Variants in ALK observed in about 807,000 individuals in gnomAD.
ALK encodes ALK tyrosine kinase receptor.
A neutral mutation model predicts 163.1 loss-of-function variants in ALK; 74 were observed. That is an observed-to-expected ratio of 0.45 (90% confidence interval 0.38 to 0.55). ALK has a LOEUF of 0.55. Ranked by LOEUF, ALK falls within the 20% of genes least tolerant of loss-of-function variation. The probability of loss-of-function intolerance (pLI) is 0.00; values close to 1 mark genes in which losing one functional copy is unlikely to be tolerated. For missense variants in ALK, 2,063 were observed against 2,105.3 expected (o/e 0.98, Z 0.39); for synonymous variants, 960 against 843.2 (o/e 1.14, Z -2.40).
intron 3 of ALK, among the ~76,000 whole-genome samples, chr2:29,558,420 T>A (rs1244779588): frequency 6.6e-6 from 1 of 152,176 alleles, no homozygotes; most frequent in African/African-American, 2.4e-5. Context: ...CCCAACATTA[T>A]CTTTACAGCT....
intron 26 of ALK, among the ~76,000 whole-genome samples, chr2:29,200,918 C>T (rs151121905): frequency 4.7e-5 from 7 of 149,354 alleles, no homozygotes; most frequent in African/African-American, 1.5e-4. Flanking sequence ...ACTTGCTCTG[C>T]CTGGAATGAT....
intron 3 of ALK, among the ~76,000 whole-genome samples, chr2:29,592,033 T>C (rs761572596): frequency 6.6e-6 from 1 of 152,022 alleles, no homozygotes; most frequent in Non-Finnish European, 1.5e-5. Flanking sequence ...GCTGGGGGTA[T>C]TGTCACTGGA....
chr2:29,400,045 G>A (rs997311611), intron 4 of ALK, among the ~76,000 whole-genome samples: 1 of 152,170 alleles, frequency 6.6e-6, no homozygotes, highest in African/African-American at 2.4e-5. Flanking sequence ...ATGATGACTT[G>A]GCTCCGTGTA....
At chr2:29,395,197 A>G (rs1421746390) in intron 4 of ALK, among the ~76,000 whole-genome samples, 2 of 152,244 alleles carry the variant, frequency 1.3e-5, no homozygotes, top group African/African-American at 2.4e-5. Flanking sequence ...CTCTGAGCCA[A>G]GCAAAATGCT....
chr2:29,454,049 A>G (rs1670888053), intron 4 of ALK, among the ~76,000 whole-genome samples: 1 of 152,214 alleles, frequency 6.6e-6, no homozygotes, highest in African/African-American at 2.4e-5. Context: ...AACTTTGGCT[A>G]CCGGATGGAA....
chr2:29,380,176 G>A (rs1180956075), intron 5 of ALK, among the ~76,000 whole-genome samples: 1 of 150,572 alleles, frequency 6.6e-6, no homozygotes, highest in Admixed American at 6.6e-5. Context: ...CACGATCTCA[G>A]CTTACTGTAA....
rs1452386636 is a variant in ALK, at chr2:29,223,453, A to C, written c.3248T>G (p.Leu1083Arg). The change falls in exon 20 of 29, where the codon CTC becomes CGC. Residue 1083 changes from leucine to arginine, a missense_variant. By Grantham distance (102) the Leu-to-Arg change is moderately radical. Transcript: ENST00000389048. ...LQSPEYKLSK[L>R]RTSTIMTDYN... ...GTCGGTCATGATGGTCGAGGTGCGG[A>C]GCTTGCTCAGCTTGTACTCAGGGCT... The C allele has an allele frequency of 6.2e-7, 1 of 1,614,090 alleles. No homozygotes were observed. The highest frequency in any genetic ancestry group is 2.2e-5 in the East Asian group (1 of 44,866).
intron 1 of ALK, among the ~76,000 whole-genome samples, chr2:29,840,073 A>G (rs778285665): frequency 3.3e-5 from 5 of 152,202 alleles, no homozygotes; most frequent in Non-Finnish European, 5.9e-5. Flanking sequence ...GTCTAAATCT[A>G]TAGCTTTTAT....
chr2:29,651,939 T>C (rs972996660), intron 3 of ALK, among the ~76,000 whole-genome samples: 4 of 152,160 alleles, frequency 2.6e-5, no homozygotes, highest in African/African-American at 9.7e-5. Context: ...GGGAACAGCC[T>C]ATAGGCCTCG....
rs148340552 is a variant in ALK at position 29,443,192 on chromosome 2, T to C, written c.1155-59333A>G. Among the ~76,000 whole-genome samples, 1,231 of 152,354 alleles carry C rather than the reference T, an allele frequency of 8.1e-3. 11 individuals are homozygous for C. Among genetic ancestry groups the C allele is most frequent in the Non-Finnish European group, 0.011 (726 of 68,034 alleles). On this transcript the variant is annotated intron_variant, in intron 4 of 28. Transcript: ENST00000389048. ...TAGTGTCACAGGTTACTTAAGGGTC[T>C]ATGCCTGCTGCCTGAACCCTGAAGA... is the stretch of plus-strand genomic sequence containing the variant.
chr2:29,685,943 C>T (rs1440284128), intron 3 of ALK, among the ~76,000 whole-genome samples: 1 of 152,186 alleles, frequency 6.6e-6, no homozygotes, highest in African/African-American at 2.4e-5. Context: ...CTCCTTAAAT[C>T]TCCATCTCTC....
intron 1 of ALK, among the ~76,000 whole-genome samples, chr2:29,810,112 C>G (rs1426264194): frequency 2.0e-5 from 3 of 151,994 alleles, no homozygotes; most frequent in Non-Finnish European, 4.4e-5. Flanking sequence ...ATTGAGATAC[C>G]ATAATTTCTA....
intron 2 of ALK, among the ~76,000 whole-genome samples, chr2:29,701,492 T>C (rs1428359829): frequency 6.6e-6 from 1 of 152,126 alleles, no homozygotes; most frequent in Non-Finnish European, 1.5e-5. Context: ...TACTGCAGAA[T>C]GAAAGGAAGA....
intron 4 of ALK, among the ~76,000 whole-genome samples, chr2:29,488,508 G>C (rs1426632619): frequency 6.6e-6 from 1 of 152,138 alleles, no homozygotes; most frequent in Admixed American, 6.6e-5. Context: ...GGAGTGGTAG[G>C]ATTGACTTGG....
intron 4 of ALK, among the ~76,000 whole-genome samples, chr2:29,396,237 A>G (rs939869318): frequency 1.9e-4 from 29 of 152,266 alleles, no homozygotes; most frequent in Non-Finnish European, 4.1e-4. Flanking sequence ...TGCAGGCTTG[A>G]TAGATGTTAA....
At chr2:29,359,070 A>G (rs371414254) in intron 5 of ALK, among the ~76,000 whole-genome samples, 1 of 151,486 alleles carries the variant, frequency 6.6e-6, no homozygotes, top group South Asian at 2.1e-4. Context: ...TTAAGAAGGT[A>G]GATCTCATGT....
intron 11 of ALK, among the ~76,000 whole-genome samples, chr2:29,265,101 C>A (rs554182535): frequency 6.6e-6 from 1 of 152,128 alleles, no homozygotes; most frequent in South Asian, 2.1e-4. Context: ...CTCACTGCAA[C>A]CTCTGCTTCC....
intron 3 of ALK, among the ~76,000 whole-genome samples, chr2:29,659,952 G>A (rs180946871): frequency 8.4e-4 from 128 of 151,788 alleles, no homozygotes; most frequent in African/African-American, 3.0e-3. Flanking sequence ...ACCCTAATAT[G>A]CCCCTTCTTA....
chr2:29,562,678 G>C (rs1414178398), intron 3 of ALK, among the ~76,000 whole-genome samples: 8 of 152,184 alleles, frequency 5.3e-5, no homozygotes, highest in Non-Finnish European at 1.2e-4. Flanking sequence ...TTTTACATTT[G>C]AGTATGACAC....
Sources: allele counts gnomAD v4.1 joint callset (sites outside exome capture counted in the v4.1 genomes callset), GRCh38; gene constraint gnomAD v4.1.1; transcripts MANE v1.5; gene names NCBI Gene and HGNC (gene_info 2026-07-23, HGNC 2026-07-21).